The following CACNA1C variants were observed in gnomAD, a reference collection of about 807,000 sequenced individuals.
CACNA1C encodes calcium voltage-gated channel subunit alpha1 C.
CACNA1C carries 30 observed loss-of-function variants against 229.0 expected under a neutral mutation model. That is an observed-to-expected ratio of 0.13 (90% CI 0.10 to 0.18). The LOEUF is 0.18. Ranked by LOEUF, CACNA1C falls within the 10% of genes least tolerant of loss-of-function variation. CACNA1C has a pLI of 1.00. For synonymous variants in CACNA1C, 1,114 were observed against 1,132.5 expected (o/e 0.98, Z 0.33); for missense variants, 1,658 against 2,845.0 (o/e 0.58, Z 9.49).
rs144098216 is a variant in CACNA1C at position 2,637,943 on chromosome 12, G to A, written c.3912+3563G>A. 1.4e-4 allele frequency among the ~76,000 whole-genome samples: 22 copies of A among 152,114 alleles called. No individual in the cohort carries two copies. The South Asian group carries it at 2.5e-3, about 17-fold the overall frequency. ...CCAAATATTCCCCACATTTAAACTCGTCTCACCTTTTCTCTTTTCCGGGCT... is the reference window on the plus strand; with the variant it reads ...CCAAATATTCCCCACATTTAAACTCATCTCACCTTTTCTCTTTTCCGGGCT... On this transcript the variant is annotated intron_variant, in intron 30 of 46. Coordinates refer to ENST00000399655, the MANE Select transcript of CACNA1C (RefSeq NM_000719.7).
chr12:2,505,008 A>G (rs978806455), intron 8 of CACNA1C, 63 bp downstream of exon 8: 4 of 860,770 alleles, frequency 4.6e-6, no homozygotes, highest in African/African-American at 3.4e-5. Flanking sequence ...TCTTTCTGCT[A>G]TTCCTGGCTG....
intron 3 of CACNA1C, among the ~76,000 whole-genome samples, chr12:2,225,247 A>G (rs1405259895): frequency 7.2e-5 from 11 of 152,244 alleles, no homozygotes; most frequent in Non-Finnish European, 1.6e-4. Context: ...CATTGCACAA[A>G]GAGAATTATA....
chr12:2,217,631 T>G (rs1482397728), intron 3 of CACNA1C: 1 of 152,190 alleles, frequency 6.6e-6, no homozygotes, highest in Non-Finnish European at 1.5e-5. Flanking sequence ...CAGTCTGGGT[T>G]TTCATTTGTA....
intron 13 of CACNA1C, among the ~76,000 whole-genome samples, chr12:2,571,506 T>G (rs2054399511): frequency 6.6e-6 from 1 of 152,250 alleles, no homozygotes; most frequent in African/African-American, 2.4e-5. Context: ...CTGCTATATA[T>G]TGTTATGACA....
Position 2,357,600 on chromosome 12 carries a change from T to C in CACNA1C, c.478-91376T>C, listed in dbSNP as rs561156423. On this transcript the variant is annotated intron_variant, in intron 3 of 46. Coordinates refer to ENST00000399655, the MANE Select transcript of CACNA1C (RefSeq NM_000719.7). The stretch of plus-strand genomic sequence containing the variant: ...TAGCTATTGGGCCAGGGTTTAGGAT[T>C]GAACCAAAGGGTGGAGAAGGGCTTT... 1.0e-3 allele frequency among the ~76,000 whole-genome samples: 152 copies of C among 151,402 alleles called. 1 individual carries two copies. Among genetic ancestry groups the C allele is most frequent in the African/African-American group, 3.5e-3 (145 of 41,118 alleles).
At chr12:2,001,466 G>A (rs1032176401) in intron 1 of CACNA1C, among the ~76,000 whole-genome samples, 2 of 152,136 alleles carry the variant, frequency 1.3e-5, no homozygotes, top group African/African-American at 2.4e-5. Context: ...AACCCAAAAT[G>A]GAATATAAAA....
chr12:2,158,968 G>T (rs1371161716), intron 3 of CACNA1C, among the ~76,000 whole-genome samples: 3 of 152,066 alleles, frequency 2.0e-5, no homozygotes, highest in African/African-American at 7.2e-5. Context: ...CAGAGGATAG[G>T]GAAGAGGTGA....
At chr12:2,404,157 G>A (rs537762659) in intron 3 of CACNA1C, among the ~76,000 whole-genome samples, 3 of 152,280 alleles carry the variant, frequency 2.0e-5, no homozygotes, top group Admixed American at 1.3e-4. Context: ...AGTCCACTCC[G>A]GGGCCTGTAG....
intron 1 of CACNA1C, among the ~76,000 whole-genome samples, chr12:2,074,216 T>C (rs1397341147): frequency 6.6e-6 from 1 of 152,194 alleles, no homozygotes; most frequent in Non-Finnish European, 1.5e-5. Flanking sequence ...TCCCTTTTTA[T>C]TCAGCTAGGT....
chr12:2,300,237 C>T (rs527272246), intron 3 of CACNA1C, among the ~76,000 whole-genome samples: 7 of 152,324 alleles, frequency 4.6e-5, no homozygotes, highest in Middle Eastern at 3.4e-3. Flanking sequence ...AGTGAGGTCC[C>T]GATTGTCATC....
At chr12:2,459,207 G>T (rs1596966245) in intron 5 of CACNA1C, among the ~76,000 whole-genome samples, 1 of 147,018 alleles carries the variant, frequency 6.8e-6, no homozygotes, top group Non-Finnish European at 1.5e-5. Context: ...AGTAGAGACG[G>T]TGTTTCACCA....
rs1453244137 is a variant in CACNA1C at position 2,115,333 on chromosome 12, G to A, written c.159G>A (p.Gln53=). The part of the protein sequence containing the change: ...IPTPGAALSW[Q]AAIDAARQAK... ...CCCCGGGGGCTGCCCTGTCGTGGCA[G>A]GCGGCCATCGACGCAGCCCGGCAGG... Residue 53 remains glutamine (Q), a synonymous_variant, in exon 2 of 47, where the codon CAG becomes CAA. Transcript: ENST00000399655. The A allele has an allele frequency of 3.2e-6, 5 of 1,585,674 alleles. No homozygotes were observed. In the South Asian group the frequency reaches 5.7e-5, roughly 18 times the overall value.
rs1327250094 is a variant in CACNA1C, at chr12:2,690,854, A to T, written c.6118-46A>T. On this transcript the variant is annotated intron_variant, in intron 46 of 46. Transcript: ENST00000399655. The stretch of plus-strand genomic sequence containing the variant: ...CTCAAGGGAAGAGCTGGGCTCCAGG[A>T]GTAATGTTCCTTTGGTTCTTCATGG... 3 of 1,482,752 alleles carry T rather than the reference A, an allele frequency of 2.0e-6. No homozygotes were observed. The East Asian group carries it at 7.4e-5, about 37-fold the overall frequency. 91.8% of individuals were successfully genotyped at this position (1,482,752 alleles called of 1,614,324 possible).
At position 2,215,020 on chromosome 12, in the gene CACNA1C, A is replaced by G. The variant is rs2059626955; in HGVS notation, c.477+94590A>G. ...CTCTGGGTTTGGACTGGAGCACCTCATGGGTGTGAAGTCGGGAGGAGCCGG... is the reference window on the plus strand; with the variant it reads ...CTCTGGGTTTGGACTGGAGCACCTCGTGGGTGTGAAGTCGGGAGGAGCCGG... On this transcript the variant is annotated intron_variant, in intron 3 of 46. Coordinates refer to ENST00000399655, the MANE Select transcript of CACNA1C (RefSeq NM_000719.7). The surrounding 1 kb of genome is among the most constrained non-coding windows in gnomAD (Gnocchi z 5.0). 1.3e-5 allele frequency among the ~76,000 whole-genome samples: 2 copies of G among 152,112 alleles called. No individual in the cohort carries two copies. The highest frequency in any genetic ancestry group is 2.1e-4 in the South Asian group (1 of 4,812).
At chr12:1,989,708 C>T (rs1253494642) in intron 1 of CACNA1C, among the ~76,000 whole-genome samples, 1 of 152,130 alleles carries the variant, frequency 6.6e-6, no homozygotes, top group Non-Finnish European at 1.5e-5. Flanking sequence ...AGCAAGACTC[C>T]GTCTCAATTG....
intron 1 of CACNA1C, among the ~76,000 whole-genome samples, chr12:2,107,137 G>T (rs4765895): frequency 0.043 from 4,730 of 110,496 alleles, 29 homozygotes; most frequent in Non-Finnish European, 0.065. Context: ...CCCGGGGAGG[G>T]TTTCCACCTC....
At chr12:2,337,076 G>A (rs952501530) in intron 3 of CACNA1C, among the ~76,000 whole-genome samples, 1 of 152,166 alleles carries the variant, frequency 6.6e-6, no homozygotes, top group African/African-American at 2.4e-5. Context: ...CCTTTGCTAG[G>A]TACTAGGGGA....
At chr12:2,587,786 G>A (rs552238524) in intron 18 of CACNA1C, among the ~76,000 whole-genome samples, 52 of 152,072 alleles carry the variant, frequency 3.4e-4, no homozygotes, top group African/African-American at 9.9e-4. Context: ...CCCGCTCCCC[G>A]TCATTTCTGT....
intron 3 of CACNA1C, among the ~76,000 whole-genome samples, chr12:2,383,210 C>T (rs756122488): frequency 3.3e-5 from 5 of 152,142 alleles, no homozygotes; most frequent in African/African-American, 7.2e-5. Context: ...GCAAGCAGCA[C>T]CTGTAGCATT....
Sources: allele counts gnomAD v4.1 joint callset (sites outside exome capture counted in the v4.1 genomes callset), GRCh38; gene constraint gnomAD v4.1.1; non-coding constraint Gnocchi (gnomAD v3.1); transcripts MANE v1.5; gene names NCBI Gene and HGNC (gene_info 2026-07-23, HGNC 2026-07-21).